The following PLPPR1 variants were observed in gnomAD, a reference collection of about 807,000 sequenced individuals.
PLPPR1 encodes the protein phospholipid phosphatase-related protein type 1.
Under a neutral mutation model 33.1 loss-of-function variants are expected in PLPPR1, and 10 were observed. That is an observed-to-expected ratio of 0.30 (90% CI 0.19 to 0.51). The LOEUF (loss-of-function observed/expected upper bound fraction) is 0.51. PLPPR1 is among the 20% of genes least tolerant of loss of function. PLPPR1 has a pLI of 0.97. For synonymous variants in PLPPR1, 151 were observed against 151.0 expected, an observed-to-expected ratio of 1.00 and a Z score of 0.00; for missense variants, 304 against 408.1, an observed-to-expected ratio of 0.74 and a Z score of 2.20.
At chr9:101,220,403 G>T (rs1305976281) in intron 2 of PLPPR1, among the ~76,000 whole-genome samples, 1 of 152,192 alleles carries the variant, frequency 6.6e-6, no homozygotes, top group Non-Finnish European at 1.5e-5. Flanking sequence ...CCTGCCAAGT[G>T]TTACACAGTT....
intron 1 of PLPPR1, among the ~76,000 whole-genome samples, chr9:101,108,723 G>A (rs1286420314): frequency 6.6e-6 from 1 of 152,116 alleles, no homozygotes; most frequent in South Asian, 2.1e-4. Context: ...CCCACTTCAT[G>A]CCATAAATTA....
intron 2 of PLPPR1, among the ~76,000 whole-genome samples, chr9:101,243,007 A>C (rs1369693276): frequency 3.3e-5 from 5 of 152,130 alleles, no homozygotes; most frequent in Admixed American, 1.3e-4. Context: ...GTGAACACTT[A>C]TTATGCCTCA....
At chr9:101,166,764 A>C (rs936185333) in intron 1 of PLPPR1, among the ~76,000 whole-genome samples, 1 of 152,142 alleles carries the variant, frequency 6.6e-6, no homozygotes, top group African/African-American at 2.4e-5. Flanking sequence ...ATTAATGAGC[A>C]AAAATTTCAG....
intron 1 of PLPPR1, among the ~76,000 whole-genome samples, chr9:101,060,712 C>T (rs1474134575): frequency 1.3e-5 from 2 of 151,688 alleles, no homozygotes; most frequent in African/African-American, 2.4e-5. Context: ...TAGCAAGATA[C>T]AGGGATTTTA....
At chr9:101,130,511 A>G (rs1002249380) in intron 1 of PLPPR1, among the ~76,000 whole-genome samples, 1 of 152,224 alleles carries the variant, frequency 6.6e-6, no homozygotes, top group African/African-American at 2.4e-5. Context: ...GATGGTAGCT[A>G]TCACTATTAG....
intron 2 of PLPPR1, among the ~76,000 whole-genome samples, chr9:101,218,359 G>A (rs1272611049): frequency 6.6e-6 from 1 of 152,122 alleles, no homozygotes; most frequent in Non-Finnish European, 1.5e-5. Context: ...AACCACAGAG[G>A]AAAGAATCAG....
In PLPPR1 at chr9:101,324,094, T is replaced by A; in HGVS notation, c.*37T>A. ...TGTCACAAGCTGTTTTTTAAAATCA[T>A]CTTCCAATTCTATACTTCAAAACAC... is the stretch of plus-strand genomic sequence containing the variant. On this transcript the variant is annotated 3_prime_UTR_variant, in exon 8 of 8. Coordinates refer to ENST00000374874, the MANE Select transcript of PLPPR1 (RefSeq NM_207299.2). The A allele has an allele frequency of 6.3e-7, 1 of 1,575,858 alleles. No individual in the cohort carries two copies. Among genetic ancestry groups the A allele is most frequent in the Non-Finnish European group, 8.7e-7 (1 of 1,146,490 alleles).
At chr9:101,127,024 AC>A (rs1198477859) in intron 1 of PLPPR1, among the ~76,000 whole-genome samples, 2 of 146,406 alleles carry the variant, frequency 1.4e-5, no homozygotes, top group African/African-American at 5.0e-5. Flanking sequence ...GCTTTACTGC[AC>A]TAAAGAGTGA....
intron 1 of PLPPR1, among the ~76,000 whole-genome samples, chr9:101,129,275 A>G (rs1397735244): frequency 1.3e-5 from 2 of 152,138 alleles, no homozygotes; most frequent in East Asian, 1.9e-4. Context: ...TGATAATGTG[A>G]AATGGTACAT....
At chr9:101,276,572 C>T (rs1164393550) in intron 3 of PLPPR1, among the ~76,000 whole-genome samples, 2 of 152,144 alleles carry the variant, frequency 1.3e-5, no homozygotes, top group Admixed American at 1.3e-4. Context: ...ATGCATTTTA[C>T]TTTTTACTCT....
At chr9:101,147,138 C>T (rs1267926206) in intron 1 of PLPPR1, among the ~76,000 whole-genome samples, 1 of 152,064 alleles carries the variant, frequency 6.6e-6, no homozygotes, top group Non-Finnish European at 1.5e-5. Context: ...GTTTGATGGC[C>T]TCATTTGAAC....
chr9:101,185,396 T>C, intron 1 of PLPPR1, 54 bp from the exon 2 acceptor site: 1 of 666,684 alleles, frequency 1.5e-6, no homozygotes, highest in South Asian at 2.1e-5. Flanking sequence ...TGTAAGTACC[T>C]AAGGGACTTC....
intron 2 of PLPPR1, among the ~76,000 whole-genome samples, chr9:101,266,956 A>AT (rs1828009730): frequency 6.6e-6 from 1 of 151,988 alleles, no homozygotes; most frequent in Admixed American, 6.5e-5. Context: ...TTTGATTTTT[A>AT]TTTTTTTATC....
Position 101,258,460 on chromosome 9 carries a change from C to T in PLPPR1, c.64-11420C>T, listed in dbSNP as rs563185366. The stretch of plus-strand genomic sequence containing the variant: ...TTGGTGTGTAGCAGGAGTTTGCTGA[C>T]TTCTATTGTTTTACCAGAGAGACCT... On this transcript the variant is annotated intron_variant, in intron 2 of 7. Transcript: ENST00000374874. Among the ~76,000 whole-genome samples, 73 of 152,260 alleles carry T rather than the reference C, an allele frequency of 4.8e-4. No individual in the cohort carries two copies. In the South Asian group the frequency reaches 0.015, roughly 31 times the overall value.
chr9:101,250,346 C>T (rs1827693706), intron 2 of PLPPR1, among the ~76,000 whole-genome samples: 2 of 152,058 alleles, frequency 1.3e-5, no homozygotes, highest in Admixed American at 1.3e-4. Flanking sequence ...TTTCAAAGAG[C>T]ACCCTCTTAT....
intron 1 of PLPPR1, among the ~76,000 whole-genome samples, chr9:101,133,323 T>C (rs1453739318): frequency 2.0e-5 from 3 of 152,142 alleles, no homozygotes; most frequent in Non-Finnish European, 2.9e-5. Context: ...TTATGTACAT[T>C]ATGAAAGAAA....
rs66895172 is a variant in PLPPR1 at position 101,183,691 on chromosome 9, TTGTGTGTG to T, written c.-45-1731_-45-1724del. On this transcript the variant is annotated intron_variant, in intron 1 of 7. Coordinates refer to ENST00000374874, the MANE Select transcript of PLPPR1 (RefSeq NM_207299.2). ...CCTCACTGTAGTTACTCCCGTCTCT[TTGTGTGTG>T]TGTGTGTGTGTGTGTGTGTGTGTGT... Among the ~76,000 whole-genome samples, 115 of 150,256 alleles carry T rather than the reference TTGTGTGTG, an allele frequency of 7.7e-4. 1 individual carries two copies. Among genetic ancestry groups the T allele is most frequent in the East Asian group, 4.3e-3 (22 of 5,100 alleles).
chr9:101,115,171 C>T (rs912302150), intron 1 of PLPPR1, among the ~76,000 whole-genome samples: 1 of 152,164 alleles, frequency 6.6e-6, no homozygotes. Flanking sequence ...ACTCCAAAAC[C>T]CTAGTGAAAC....
chr9:101,300,373 C>CT (rs1828730559), intron 4 of PLPPR1, among the ~76,000 whole-genome samples: 3 of 152,176 alleles, frequency 2.0e-5, no homozygotes, highest in Admixed American at 2.0e-4. Context: ...GAGACAGGGT[C>CT]TCCCTATGTT....
Sources: gnomAD v4.1 joint callset for allele counts (sites outside exome capture counted in the v4.1 genomes callset) on GRCh38, gnomAD v4.1.1 for gene constraint, MANE v1.5 for transcripts, NCBI Gene and HGNC (gene_info 2026-07-23, HGNC 2026-07-21) for gene names.